The following ANKRD6 variants were observed in gnomAD, a reference collection of about 807,000 sequenced individuals.
ANKRD6 encodes ankyrin repeat domain 6.
Under a neutral mutation model 82.3 loss-of-function variants are expected in ANKRD6, and 56 were observed. The ratio of observed to expected loss-of-function variants is 0.68; its 90% confidence interval spans 0.55 to 0.85. The LOEUF (loss-of-function observed/expected upper bound fraction) is 0.85. Ranked by LOEUF, ANKRD6 falls within the 40% of genes least tolerant of loss-of-function variation. The probability of loss-of-function intolerance (pLI) is 0.00; values close to 1 mark genes in which losing one functional copy is unlikely to be tolerated. For missense variants in ANKRD6, 852 were observed against 907.6 expected, an observed-to-expected ratio of 0.94 and a Z score of 0.79; for synonymous variants, 347 against 352.1, an observed-to-expected ratio of 0.99 and a Z score of 0.16.
chr6:89,497,026 T>G (rs567408377), intron 1 of ANKRD6, among the ~76,000 whole-genome samples: 1 of 152,324 alleles, frequency 6.6e-6, no homozygotes, highest in East Asian at 1.9e-4. Flanking sequence ...CTTCTTCTTT[T>G]CTGTTTTGTA....
intron 1 of ANKRD6, among the ~76,000 whole-genome samples, chr6:89,454,808 T>C (rs1773305015): frequency 1.3e-5 from 2 of 152,140 alleles, no homozygotes; most frequent in African/African-American, 4.8e-5. Context: ...ATAACGTAGT[T>C]TGGTGTTGTC....
chr6:89,518,996 G>A (rs1390247652), intron 1 of ANKRD6, among the ~76,000 whole-genome samples: 2 of 152,134 alleles, frequency 1.3e-5, no homozygotes, highest in South Asian at 2.1e-4. Context: ...TTATCTCTGT[G>A]CACTTACATC....
intron 2 of ANKRD6, among the ~76,000 whole-genome samples, chr6:89,592,415 A>G (rs1795084006): frequency 1.3e-5 from 2 of 152,102 alleles, no homozygotes; most frequent in African/African-American, 2.4e-5. Context: ...CAGATGAGAA[A>G]ATGCTTAGTT....
chr6:89,436,911 C>T (rs1232623274), intron 1 of ANKRD6, among the ~76,000 whole-genome samples: 2 of 152,268 alleles, frequency 1.3e-5, no homozygotes, highest in African/African-American at 4.8e-5. Context: ...GCTATGTTCT[C>T]TCTCTTTTAT....
chr6:89,512,576 G>A (rs1326595974), intron 1 of ANKRD6, among the ~76,000 whole-genome samples: 1 of 152,134 alleles, frequency 6.6e-6, no homozygotes, highest in Admixed American at 6.5e-5. Context: ...GGCCAGGGTG[G>A]GCACAAGGAG....
At chr6:89,575,303 G>T (rs1183536790) in intron 2 of ANKRD6, among the ~76,000 whole-genome samples, 1 of 152,184 alleles carries the variant, frequency 6.6e-6, no homozygotes, top group Admixed American at 6.5e-5. Flanking sequence ...CTGCCTTGGG[G>T]GAAGAGGGAT....
At chr6:89,616,821 AC>A (rs894959465) in intron 8 of ANKRD6, 164 bp downstream of exon 8, 33 of 749,256 alleles carry the variant, frequency 4.4e-5, no homozygotes, top group Non-Finnish European at 6.8e-5. Flanking sequence ...CTTGAAGGGT[AC>A]CCCTGCTCTG....
At chr6:89,505,642 C>T (rs1430800056) in intron 1 of ANKRD6, among the ~76,000 whole-genome samples, 1 of 152,172 alleles carries the variant, frequency 6.6e-6, no homozygotes, top group Non-Finnish European at 1.5e-5. Context: ...TACAGAAAAC[C>T]CACCCATTTT....
intron 5 of ANKRD6, among the ~76,000 whole-genome samples, chr6:89,611,955 A>G (rs111497283): frequency 6.6e-6 from 1 of 152,184 alleles, no homozygotes; most frequent in Admixed American, 6.5e-5. Flanking sequence ...CAATCCCCAT[A>G]GTTTTAGGAT....
intron 1 of ANKRD6, among the ~76,000 whole-genome samples, chr6:89,512,317 T>G (rs868803994): frequency 2.8e-4 from 42 of 152,356 alleles, no homozygotes; most frequent in African/African-American, 9.6e-4. Context: ...AAACATCCAG[T>G]AGAGAGGTTG....
intron 1 of ANKRD6, among the ~76,000 whole-genome samples, chr6:89,518,397 C>T (rs965501900): frequency 1.4e-5 from 2 of 146,376 alleles, no homozygotes; most frequent in East Asian, 2.0e-4. Flanking sequence ...AGTAAGACTC[C>T]GTCTCAAAAA....
At chr6:89,520,980 C>T (rs1385418171) in intron 1 of ANKRD6, among the ~76,000 whole-genome samples, 4 of 152,006 alleles carry the variant, frequency 2.6e-5, no homozygotes, top group Non-Finnish European at 5.9e-5. Flanking sequence ...AGAGCAAGAC[C>T]ATGTCTAAAA....
chr6:89,599,947 T>C (rs1004016979), intron 3 of ANKRD6, among the ~76,000 whole-genome samples: 3 of 151,912 alleles, frequency 2.0e-5, no homozygotes, highest in African/African-American at 4.8e-5. Context: ...GGTCTCTGTC[T>C]GAGAGGACGG....
At chr6:89,435,901 G>C (rs854873) in intron 1 of ANKRD6, among the ~76,000 whole-genome samples, 26,128 of 152,138 alleles carry the variant, frequency 0.17, 2,714 homozygotes, top group Non-Finnish European at 0.23. Flanking sequence ...TATTGTCTTT[G>C]TTTTATTTCT....
At chr6:89,526,921 A>C (rs80216565) in intron 1 of ANKRD6, among the ~76,000 whole-genome samples, 1 of 152,194 alleles carries the variant, frequency 6.6e-6, no homozygotes, top group East Asian at 1.9e-4. Context: ...TTTTTGTTTT[A>C]TTCAGGCCCT....
chr6:89,471,781 T>A (rs1460145399), intron 1 of ANKRD6, among the ~76,000 whole-genome samples: 2 of 151,060 alleles, frequency 1.3e-5, no homozygotes, highest in African/African-American at 2.4e-5. Context: ...GCAATTGTAG[T>A]GGGGTGGCCG....
At chr6:89,556,490 T>A (rs1282891430) in intron 1 of ANKRD6, among the ~76,000 whole-genome samples, 1 of 152,246 alleles carries the variant, frequency 6.6e-6, no homozygotes, top group Non-Finnish European at 1.5e-5. Context: ...TGGCTTCTGT[T>A]TTTCCCTAAG....
intron 1 of ANKRD6, among the ~76,000 whole-genome samples, chr6:89,534,662 C>G (rs1435086726): frequency 2.6e-5 from 4 of 152,206 alleles, no homozygotes; most frequent in African/African-American, 9.7e-5. Flanking sequence ...TGCCCAGGGA[C>G]TTTCCAGGTG....
chr6:89,600,653 C>T (rs1796925188), intron 3 of ANKRD6, among the ~76,000 whole-genome samples: 1 of 152,144 alleles, frequency 6.6e-6, no homozygotes, highest in South Asian at 2.1e-4. Flanking sequence ...CAGTAATCAT[C>T]ATTGCACTGG....
Sources: gnomAD v4.1 joint callset for allele counts (sites outside exome capture counted in the v4.1 genomes callset) on GRCh38, gnomAD v4.1.1 for gene constraint, MANE v1.5 for transcripts, NCBI Gene and HGNC (gene_info 2026-07-23, HGNC 2026-07-21) for gene names.